GPR176: variants seen among roughly 807,000 people sequenced by gnomAD.
The protein encoded by GPR176 is G-protein coupled receptor 176.
In GPR176, 26 loss-of-function variants were observed where a neutral mutation model predicts 35.4. The observed-to-expected ratio is 0.74, with a 90% CI of 0.54 to 1.02. GPR176 has a LOEUF of 1.02. Among genes scored for constraint, GPR176 ranks in the 50% least tolerant of loss-of-function variants. The probability of loss-of-function intolerance (pLI) is 0.00; values close to 1 mark genes in which losing one functional copy is unlikely to be tolerated. For synonymous variants in GPR176, 278 were observed against 271.3 expected, an observed-to-expected ratio of 1.02 and a Z score of -0.24; for missense variants, 597 against 665.3, an observed-to-expected ratio of 0.90 and a Z score of 1.13.
At position 39,901,999 on chromosome 15, in the gene GPR176, G is replaced by A. The variant is rs550733670; in HGVS notation, c.172+17856C>T. 1.4e-4 allele frequency among the ~76,000 whole-genome samples: 21 copies of A among 152,038 alleles called. No individual in the cohort carries two copies. In the East Asian group the frequency reaches 1.5e-3, roughly 11 times the overall value. On this transcript the variant is annotated intron_variant, in intron 1 of 2. Coordinates refer to ENST00000561100, the MANE Select transcript of GPR176 (RefSeq NM_007223.3). ...CTTGGGAAGCTGAGGTGGAGGGATC[G>A]CTTGAACCCAGGAGGCAGAGGTTGC...
intron 1 of GPR176, among the ~76,000 whole-genome samples, chr15:39,857,800 C>G (rs1179660814): frequency 6.8e-6 from 1 of 146,028 alleles, no homozygotes; most frequent in Non-Finnish European, 1.5e-5. Context: ...AACCCCGTCT[C>G]TACTAAAAAT....
chr15:39,872,922 TG>T, intron 1 of GPR176, among the ~76,000 whole-genome samples: 1 of 14,594 alleles, frequency 6.9e-5, no homozygotes, highest in Non-Finnish European at 1.2e-4. Context: ...TGTGTGTGTG[TG>T]TGTGTGTGTG....
chr15:39,859,491 G>GAAAAA (rs34571204), intron 1 of GPR176, among the ~76,000 whole-genome samples: 3 of 143,738 alleles, frequency 2.1e-5, no homozygotes, highest in Non-Finnish European at 3.0e-5. Flanking sequence ...TGGCCACTGT[G>GAAAAA]AAAAAAAAAA....
chr15:39,840,364 G>C (rs960682866), intron 1 of GPR176, among the ~76,000 whole-genome samples: 3 of 152,002 alleles, frequency 2.0e-5, no homozygotes, highest in Non-Finnish European at 4.4e-5. Flanking sequence ...CCATCATTCT[G>C]AGCAAACTAT....
intron 1 of GPR176, among the ~76,000 whole-genome samples, chr15:39,842,941 C>T (rs1181599982): frequency 6.6e-6 from 1 of 152,008 alleles, no homozygotes; most frequent in Admixed American, 6.6e-5. Flanking sequence ...AGAAAGCCAT[C>T]ACCCTGTGGG....
intron 1 of GPR176, among the ~76,000 whole-genome samples, chr15:39,891,256 T>A (rs572560798): frequency 3.9e-5 from 6 of 152,204 alleles, no homozygotes; most frequent in Admixed American, 3.9e-4. Flanking sequence ...ACAAAAAGTA[T>A]AATTTACAGT....
At chr15:39,847,825 A>G (rs1595475886) in intron 1 of GPR176, among the ~76,000 whole-genome samples, 1 of 151,790 alleles carries the variant, frequency 6.6e-6, no homozygotes, top group East Asian at 1.9e-4. Flanking sequence ...TCACACTGCT[A>G]TAAAGAACTA....
intron 1 of GPR176, among the ~76,000 whole-genome samples, chr15:39,858,713 T>C (rs1163753024): frequency 1.3e-5 from 2 of 152,110 alleles, no homozygotes; most frequent in South Asian, 2.1e-4. Flanking sequence ...AAAAAAAGGA[T>C]AATAACTCAC....
chr15:39,913,403 G>C (rs139841774), intron 1 of GPR176, among the ~76,000 whole-genome samples: 150 of 152,196 alleles, frequency 9.9e-4, no homozygotes, highest in African/African-American at 3.5e-3. Flanking sequence ...AAATTAGATG[G>C]GCATGGTGGC....
rs571391750 is a variant in GPR176 at position 39,800,318 on chromosome 15, C to G, written c.*814G>C. On this transcript the variant is annotated 3_prime_UTR_variant, in exon 3 of 3. Coordinates refer to ENST00000561100, the MANE Select transcript of GPR176 (RefSeq NM_007223.3). ...ATAGGCATCTCTCAGGCATCTCCCC[C>G]GTAAGCTTCTCTCTCATTTGTTGAG... 1 of 152,152 alleles carries G rather than the reference C, an allele frequency of 6.6e-6. No individual in the cohort carries two copies. Among genetic ancestry groups the G allele is most frequent in the African/African-American group, 2.4e-5 (1 of 41,430 alleles). 9.4% of individuals were successfully genotyped at this position (152,152 alleles called of 1,614,324 possible). A position where few individuals can be genotyped will look rare whatever the true frequency, so the allele number is the denominator to read the frequency against.
intron 1 of GPR176, among the ~76,000 whole-genome samples, chr15:39,848,791 C>T (rs911987580): frequency 6.6e-6 from 1 of 150,820 alleles, no homozygotes; most frequent in African/African-American, 2.4e-5. Flanking sequence ...TACAACCTAT[C>T]AAAATTTGTG....
In GPR176 at chr15:39,920,021, T is replaced by G; in HGVS notation, c.6A>C (p.Gly2=). The G allele has an allele frequency of 7.4e-7, 1 of 1,350,542 alleles. No individual in the cohort carries two copies. Among genetic ancestry groups the G allele is most frequent in the Non-Finnish European group, 9.6e-7 (1 of 1,045,298 alleles). The allele number at this position is 1,350,542 out of a possible 1,614,324, so 83.7% of individuals were successfully genotyped here. The change falls in exon 1 of 3, where the codon GGA becomes GGC. Residue 2 remains glycine, a synonymous_variant. Transcript: ENST00000561100. M[G]HNGSWISPNA... The stretch of plus-strand genomic sequence containing the variant: ...TTGGAGAGATCCAGCTCCCGTTATG[T>G]CCCATGGCGAGGCTGGGACTCCGGC...
intron 1 of GPR176, 89 bp downstream of exon 1, chr15:39,919,766 C>T (rs375099528): frequency 3.4e-5 from 37 of 1,102,964 alleles, no homozygotes; most frequent in East Asian, 2.9e-4. Context: ...GCACCCGAAA[C>T]CCACGGCGGC....
At chr15:39,834,581 T>C (rs1566945223) in intron 1 of GPR176, among the ~76,000 whole-genome samples, 1 of 152,106 alleles carries the variant, frequency 6.6e-6, no homozygotes, top group Non-Finnish European at 1.5e-5. Flanking sequence ...ATATACACAA[T>C]GGAATACTAT....
intron 1 of GPR176, among the ~76,000 whole-genome samples, chr15:39,878,095 C>CGT (rs1411063695): frequency 1.7e-3 from 68 of 40,876 alleles, no homozygotes; most frequent in African/African-American, 5.1e-3. Flanking sequence ...CCCATAGTTA[C>CGT]CTGTGTGTGT....
At chr15:39,806,668 TATCA>T (rs1899207756) in intron 2 of GPR176, among the ~76,000 whole-genome samples, 1 of 152,220 alleles carries the variant, frequency 6.6e-6, no homozygotes, top group Admixed American at 6.5e-5. Context: ...ATTGCAGAGT[TATCA>T]ATCAGATGAA....
intron 1 of GPR176, among the ~76,000 whole-genome samples, chr15:39,834,626 G>A (rs558085151): frequency 6.6e-6 from 1 of 152,280 alleles, no homozygotes; most frequent in East Asian, 1.9e-4. Context: ...CCTATCATTT[G>A]CAACAACATG....
intron 1 of GPR176, among the ~76,000 whole-genome samples, chr15:39,865,659 C>T (rs2031798326): frequency 1.3e-5 from 2 of 152,090 alleles, no homozygotes; most frequent in Non-Finnish European, 2.9e-5. Context: ...ACTATGTGAT[C>T]TATGCGTGTA....
chr15:39,913,243 T>G (rs1399560067), intron 1 of GPR176, among the ~76,000 whole-genome samples: 1 of 151,982 alleles, frequency 6.6e-6, no homozygotes, highest in African/African-American at 2.4e-5. Context: ...AACAGGTAAA[T>G]TTATAGAAAC....
Sources: allele counts gnomAD v4.1 joint callset (sites outside exome capture counted in the v4.1 genomes callset), GRCh38; gene constraint gnomAD v4.1.1; transcripts MANE v1.5; gene names NCBI Gene and HGNC (gene_info 2026-07-23, HGNC 2026-07-21).